Variants in CSMD3 observed in about 807,000 individuals in gnomAD.
CSMD3 encodes the protein CUB and sushi domain-containing protein 3.
Under a neutral mutation model 435.2 loss-of-function variants are expected in CSMD3, and 177 were observed. The observed-to-expected ratio is 0.41, with a 90% CI of 0.36 to 0.46. CSMD3 has a LOEUF of 0.46. CSMD3 is among the 20% of genes least tolerant of loss of function. CSMD3 has a pLI of 0.34. For synonymous variants in CSMD3, 1,656 were observed against 1,520.5 expected, an observed-to-expected ratio of 1.09 and a Z score of -2.07; for missense variants, 4,265 against 4,504.6, an observed-to-expected ratio of 0.95 and a Z score of 1.52.
chr8:112,593,522 G>A (rs765932681), intron 22 of CSMD3, among the ~76,000 whole-genome samples: 8 of 152,120 alleles, frequency 5.3e-5, no homozygotes, highest in South Asian at 2.1e-4. Context: ...CCTGTTGGAC[G>A]TCAAGTAAAG....
chr8:112,977,703 A>G (rs1213944217), intron 6 of CSMD3, among the ~76,000 whole-genome samples: 1 of 152,082 alleles, frequency 6.6e-6, no homozygotes, highest in African/African-American at 2.4e-5. Flanking sequence ...CCAAAAGTAA[A>G]TGAGGTATGA....
chr8:112,795,691 G>T (rs376875947), intron 13 of CSMD3, among the ~76,000 whole-genome samples: 2 of 152,072 alleles, frequency 1.3e-5, no homozygotes, highest in African/African-American at 4.8e-5. Context: ...AATAACATTG[G>T]TGTATACCCT....
intron 10 of CSMD3, among the ~76,000 whole-genome samples, chr8:112,882,226 G>T (rs2081468893): frequency 6.6e-6 from 1 of 151,884 alleles, no homozygotes; most frequent in South Asian, 2.1e-4. Context: ...GCAAAAATCT[G>T]CCTTTCCTTT....
intron 22 of CSMD3, among the ~76,000 whole-genome samples, chr8:112,595,933 A>G (rs1193045120): frequency 7.2e-5 from 10 of 138,250 alleles, no homozygotes; most frequent in Admixed American, 3.0e-4. Flanking sequence ...AAAGACCATC[A>G]AGACTAGGAA....
At chr8:112,846,546 A>G (rs1327974640) in intron 11 of CSMD3, among the ~76,000 whole-genome samples, 1 of 151,658 alleles carries the variant, frequency 6.6e-6, no homozygotes, top group African/African-American at 2.4e-5. Context: ...GGGACTAAAG[A>G]CATGTGCCAC....
intron 32 of CSMD3, among the ~76,000 whole-genome samples, chr8:112,419,118 G>A (rs1406184047): frequency 6.6e-6 from 1 of 152,138 alleles, no homozygotes; most frequent in African/African-American, 2.4e-5. Context: ...TTTATTAATA[G>A]TTTGAAAACT....
intron 1 of CSMD3, among the ~76,000 whole-genome samples, chr8:113,381,586 C>T (rs577934855): frequency 8.4e-4 from 128 of 151,940 alleles, no homozygotes; most frequent in African/African-American, 2.9e-3. Context: ...ATTAAGCAAA[C>T]ATTCAAAACA....
intron 3 of CSMD3, among the ~76,000 whole-genome samples, chr8:113,179,882 T>C (rs902015020): frequency 6.6e-6 from 1 of 151,728 alleles, no homozygotes; most frequent in Non-Finnish European, 1.5e-5. Flanking sequence ...TTAAAAAAAA[T>C]ACCCAATTTG....
intron 6 of CSMD3, among the ~76,000 whole-genome samples, chr8:113,001,816 C>T (rs1587860197): frequency 1.3e-5 from 2 of 152,030 alleles, no homozygotes; most frequent in South Asian, 2.1e-4. Context: ...CTTAAAGCCA[C>T]GGTATCTAAG....
chr8:112,612,964 G>A (rs969504686), intron 22 of CSMD3, among the ~76,000 whole-genome samples: 4 of 151,634 alleles, frequency 2.6e-5, no homozygotes, highest in Non-Finnish European at 5.9e-5. Flanking sequence ...GGGGTGGTCT[G>A]AGATTCTTTT....
At chr8:113,052,080 A>G (rs1245996207) in intron 5 of CSMD3, among the ~76,000 whole-genome samples, 2 of 152,350 alleles carry the variant, frequency 1.3e-5, no homozygotes, top group South Asian at 4.1e-4. Flanking sequence ...ATTAATAAAC[A>G]CTAACTTTAC....
chr8:112,689,106 A>G (rs991848784), intron 14 of CSMD3, among the ~76,000 whole-genome samples: 2 of 152,064 alleles, frequency 1.3e-5, no homozygotes, highest in African/African-American at 4.8e-5. Context: ...TTGGTTAAAG[A>G]TAAGAACTAA....
chr8:112,377,153 CTT>C (rs1477484226), intron 38 of CSMD3, among the ~76,000 whole-genome samples: 1 of 151,130 alleles, frequency 6.6e-6, no homozygotes, highest in Non-Finnish European at 1.5e-5. Flanking sequence ...TTTAAAAACA[CTT>C]ATAATAAAAA....
chr8:112,598,372 T>C (rs1189606015), intron 22 of CSMD3, among the ~76,000 whole-genome samples: 2 of 151,164 alleles, frequency 1.3e-5, no homozygotes, highest in Admixed American at 6.6e-5. Flanking sequence ...TAAAAGAGGA[T>C]ACAAACAAAT....
chr8:113,115,909 C>T (rs143317313), intron 4 of CSMD3, among the ~76,000 whole-genome samples: 228 of 152,148 alleles, frequency 1.5e-3, no homozygotes, highest in African/African-American at 4.9e-3. Context: ...GGATTAGTGC[C>T]TAGAAAATAT....
intron 22 of CSMD3, 51 bp from the exon 23 acceptor site, chr8:112,587,286 T>C (rs747235056): frequency 3.0e-6 from 4 of 1,326,918 alleles, no homozygotes; most frequent in Non-Finnish European, 3.2e-6. Context: ...AGCAGTATCA[T>C]TTTCAAGCAA....
At chr8:112,991,932 A>T (rs1361512373) in intron 6 of CSMD3, among the ~76,000 whole-genome samples, 1 of 151,846 alleles carries the variant, frequency 6.6e-6, no homozygotes, top group Non-Finnish European at 1.5e-5. Flanking sequence ...AAGAACAATC[A>T]GTGTTAATTT....
intron 65 of CSMD3, 78 bp from the exon 66 acceptor site, chr8:112,241,863 C>CAT: frequency 2.3e-6 from 2 of 870,810 alleles, no homozygotes; most frequent in Non-Finnish European, 4.0e-6. Context: ...CACACGCACA[C>CAT]ACACACACAG....
rs1588635658 is a variant in CSMD3 at position 113,382,260 on chromosome 8, A to G, written c.178+54417T>C. Among the ~76,000 whole-genome samples the G allele has an allele frequency of 3.3e-5, 5 of 152,310 alleles. No homozygotes were observed. The Middle Eastern group carries it at 0.017, about 525-fold the overall frequency. On this transcript the variant is annotated intron_variant, in intron 1 of 70. Coordinates refer to ENST00000297405, the MANE Select transcript of CSMD3 (RefSeq NM_198123.2). ...ATTAAGACAATGTTAATTTCACAGC[A>G]TCCTCATTAGCATTAGTTGTTATGA...
Sources: gnomAD v4.1 joint callset for allele counts (sites outside exome capture counted in the v4.1 genomes callset) on GRCh38, gnomAD v4.1.1 for gene constraint, MANE v1.5 for transcripts, NCBI Gene and HGNC (gene_info 2026-07-23, HGNC 2026-07-21) for gene names.